Variants in SYN2 observed in about 807,000 individuals in gnomAD.
SYN2 encodes the protein synapsin-2.
Under a neutral mutation model 50.9 loss-of-function variants are expected in SYN2, and 19 were observed. That is an observed-to-expected ratio of 0.37 (90% confidence interval 0.26 to 0.55). The LOEUF is 0.55. Ranked by LOEUF, SYN2 falls within the 20% of genes least tolerant of loss-of-function variation. The pLI, the probability that SYN2 is intolerant of heterozygous loss-of-function variation, is 0.81. For synonymous variants in SYN2, 255 were observed against 224.9 expected (o/e 1.13, Z -1.20); for missense variants, 587 against 576.4 (o/e 1.02, Z -0.19).
chr3:12,105,657 C>T (rs765795276), intron 1 of SYN2, among the ~76,000 whole-genome samples: 25 of 151,810 alleles, frequency 1.6e-4, no homozygotes, highest in Non-Finnish European at 3.4e-4. Flanking sequence ...CTGCAGAATT[C>T]ATATGGTGTC....
chr3:12,127,786 C>T (rs529409823), intron 1 of SYN2, among the ~76,000 whole-genome samples: 5 of 152,306 alleles, frequency 3.3e-5, no homozygotes, highest in Admixed American at 2.6e-4. Flanking sequence ...AGGATCAAGT[C>T]TCCTTTGCTA....
At chr3:12,183,616 C>T (rs1698273248) in intron 11 of SYN2, 2 of 1,450,298 alleles carry the variant, frequency 1.4e-6, no homozygotes, top group Admixed American at 3.0e-5. Context: ...TTTACCTGTT[C>T]CTGTTCGTGC....
intron 4 of SYN2, among the ~76,000 whole-genome samples, chr3:12,147,408 C>T (rs1453941792): frequency 1.3e-5 from 2 of 152,214 alleles, no homozygotes; most frequent in Admixed American, 1.3e-4. Flanking sequence ...CCAAGCTCCA[C>T]TTGTTCAGCC....
At chr3:12,029,824 C>G (rs1175975015) in intron 1 of SYN2, among the ~76,000 whole-genome samples, 3 of 95,138 alleles carry the variant, frequency 3.2e-5, no homozygotes, top group Non-Finnish European at 5.7e-5. Context: ...CGTCTGCAAA[C>G]AGGGACAATT....
At chr3:12,011,782 T>C (rs959243514) in intron 1 of SYN2, among the ~76,000 whole-genome samples, 2 of 152,236 alleles carry the variant, frequency 1.3e-5, no homozygotes, top group African/African-American at 4.8e-5. Flanking sequence ...CTACTATATA[T>C]CAGGCACTGT....
At chr3:12,048,563 A>C (rs1451222485) in intron 1 of SYN2, among the ~76,000 whole-genome samples, 2 of 152,190 alleles carry the variant, frequency 1.3e-5, no homozygotes, top group Admixed American at 6.5e-5. Flanking sequence ...CCAGTGATTT[A>C]TTGTAAAGAT....
intron 1 of SYN2, among the ~76,000 whole-genome samples, chr3:12,014,231 C>T (rs1693974558): frequency 6.6e-6 from 1 of 152,144 alleles, no homozygotes; most frequent in South Asian, 2.1e-4. Context: ...GGGCTTGACA[C>T]ATAGATTGAG....
chr3:12,072,019 A>G (rs186443125), intron 1 of SYN2, among the ~76,000 whole-genome samples: 125 of 152,270 alleles, frequency 8.2e-4, no homozygotes, highest in Non-Finnish European at 1.4e-3. Context: ...TTGGTTTTCT[A>G]CTGTTATGTG....
At chr3:12,184,195 T>G in intron 11 of SYN2, 2 of 985,632 alleles carry the variant, frequency 2.0e-6, no homozygotes, top group South Asian at 9.4e-5. Context: ...ATTTTATTAT[T>G]AACTAATTAA....
intron 1 of SYN2, among the ~76,000 whole-genome samples, chr3:12,088,383 T>C (rs1695756195): frequency 6.6e-6 from 1 of 152,096 alleles, no homozygotes; most frequent in Non-Finnish European, 1.5e-5. Context: ...CCTTTTAGAA[T>C]CACTATTACC....
chr3:12,016,987 T>A (rs77719201), intron 1 of SYN2, among the ~76,000 whole-genome samples: 177 of 152,274 alleles, frequency 1.2e-3, no homozygotes, highest in African/African-American at 4.0e-3. Context: ...CTTTATATAG[T>A]CAAACAATAT....
At chr3:12,132,669 A>T (rs1490435249) in intron 1 of SYN2, among the ~76,000 whole-genome samples, 1 of 152,176 alleles carries the variant, frequency 6.6e-6, no homozygotes, top group Non-Finnish European at 1.5e-5. Context: ...TCATCATGTC[A>T]CTTTTGTCCA....
chr3:12,020,394 C>T (rs544316607), intron 1 of SYN2, among the ~76,000 whole-genome samples: 7 of 139,414 alleles, frequency 5.0e-5, no homozygotes, highest in African/African-American at 1.8e-4. Flanking sequence ...CCAGTTGATT[C>T]CAGCTGTAGT....
chr3:12,073,495 A>G (rs1008127583), intron 1 of SYN2, among the ~76,000 whole-genome samples: 2 of 152,184 alleles, frequency 1.3e-5, no homozygotes, highest in Non-Finnish European at 2.9e-5. Flanking sequence ...ATTCTCCAGT[A>G]TCCACAGTTT....
At chr3:12,027,069 C>T (rs902136790) in intron 1 of SYN2, among the ~76,000 whole-genome samples, 1 of 152,170 alleles carries the variant, frequency 6.6e-6, no homozygotes, top group Admixed American at 6.5e-5. Context: ...CAGCAAGTCT[C>T]AGACTGCAAT....
At chr3:12,158,763 C>T (rs1177559493) in intron 5 of SYN2, 3 of 1,606,964 alleles carry the variant, frequency 1.9e-6, no homozygotes, top group South Asian at 1.1e-5. Flanking sequence ...ATGCCTCACC[C>T]AGCCCCGGGG....
intron 2 of SYN2, among the ~76,000 whole-genome samples, chr3:12,141,178 A>G (rs967331021): frequency 4.7e-5 from 7 of 150,456 alleles, no homozygotes; most frequent in Non-Finnish European, 8.8e-5. Context: ...GTTTTAATAC[A>G]GTGAATCACT....
At chr3:12,111,390 G>A (rs550488481) in intron 1 of SYN2, among the ~76,000 whole-genome samples, 1 of 152,184 alleles carries the variant, frequency 6.6e-6, no homozygotes, top group Admixed American at 6.5e-5. Context: ...TGTGTAAATG[G>A]ACTAATACAC....
At chr3:12,097,965 G>A (rs141162081) in intron 1 of SYN2, among the ~76,000 whole-genome samples, 7 of 151,984 alleles carry the variant, frequency 4.6e-5, no homozygotes, top group South Asian at 4.2e-4. Flanking sequence ...GTAACAAACC[G>A]GCATGTTGTG....
Sources: gnomAD v4.1 joint callset for allele counts (sites outside exome capture counted in the v4.1 genomes callset) on GRCh38, gnomAD v4.1.1 for gene constraint, MANE v1.5 for transcripts, NCBI Gene and HGNC (gene_info 2026-07-23, HGNC 2026-07-21) for gene names.